Variants in MACROD2 observed in about 807,000 individuals in gnomAD.
MACROD2 encodes the protein ADP-ribose glycohydrolase MACROD2.
A neutral mutation model predicts 70.4 loss-of-function variants in MACROD2; 36 were observed. The observed-to-expected ratio is 0.51, with a 90% CI of 0.39 to 0.68. The LOEUF (loss-of-function observed/expected upper bound fraction) is 0.68. Among genes scored for constraint, MACROD2 ranks in the 30% least tolerant of loss-of-function variants. The probability of loss-of-function intolerance (pLI) is 0.00; values close to 1 mark genes in which losing one functional copy is unlikely to be tolerated. For synonymous variants in MACROD2, 172 were observed against 178.8 expected (o/e 0.96, Z 0.30); for missense variants, 496 against 538.4 (o/e 0.92, Z 0.78).
intron 4 of MACROD2, among the ~76,000 whole-genome samples, chr20:14,641,610 G>T (rs576866772): frequency 6.6e-6 from 1 of 152,174 alleles, no homozygotes; most frequent in Admixed American, 6.5e-5. Flanking sequence ...TGGATGTTAT[G>T]TTAGCATGCA....
intron 8 of MACROD2, among the ~76,000 whole-genome samples, chr20:15,765,075 A>C (rs1418598905): frequency 6.6e-6 from 1 of 152,102 alleles, no homozygotes; most frequent in Non-Finnish European, 1.5e-5. Context: ...ATTTCTTCTC[A>C]AATGGCACTT....
intron 3 of MACROD2, among the ~76,000 whole-genome samples, chr20:14,131,976 A>C (rs1011411706): frequency 1.9e-4 from 29 of 151,696 alleles, no homozygotes; most frequent in Admixed American, 7.9e-4. Context: ...CTAAAAATAC[A>C]AAAAATTAGC....
intron 8 of MACROD2, among the ~76,000 whole-genome samples, chr20:15,520,411 C>T (rs540657024): frequency 1.3e-5 from 2 of 152,206 alleles, no homozygotes; most frequent in South Asian, 4.1e-4. Context: ...GCCAATGAAC[C>T]AAAGTGAATG....
chr20:14,543,126 T>G (rs2085453124), intron 4 of MACROD2, among the ~76,000 whole-genome samples: 1 of 152,172 alleles, frequency 6.6e-6, no homozygotes, highest in African/African-American at 2.4e-5. Context: ...TCTCAAGGCA[T>G]ACATTCCAAG....
intron 5 of MACROD2, among the ~76,000 whole-genome samples, chr20:15,062,557 A>G (rs412108): frequency 0.79 from 119,677 of 151,982 alleles, 47,478 homozygotes; most frequent in East Asian, 0.94. Flanking sequence ...TGGAGTAGAA[A>G]GTGAAGGTTT....
chr20:15,691,978 A>G (rs2050304735), intron 8 of MACROD2, among the ~76,000 whole-genome samples: 1 of 152,208 alleles, frequency 6.6e-6, no homozygotes, highest in Admixed American at 6.5e-5. Context: ...CTCGGTTCTT[A>G]GATACTTTTC....
At chr20:14,078,091 G>T (rs551708904) in intron 2 of MACROD2, among the ~76,000 whole-genome samples, 2 of 151,672 alleles carry the variant, frequency 1.3e-5, no homozygotes, top group African/African-American at 4.8e-5. Flanking sequence ...TAGTATAGAC[G>T]GGGTTTCTCC....
In MACROD2 at chr20:15,750,291, C is replaced by T. The variant is rs2051248750; in HGVS notation, c.646-112454C>T. Reference sequence around the variant, plus strand: ...ATCAGGAAAACACAAATCTAAACCACCATCAGATACCACCTCACTCCAGTG... The same window carrying T: ...ATCAGGAAAACACAAATCTAAACCATCATCAGATACCACCTCACTCCAGTG... On this transcript the variant is annotated intron_variant, in intron 8 of 17. Transcript: ENST00000684519. Among the ~76,000 whole-genome samples, 4 of 152,010 alleles carry T rather than the reference C, an allele frequency of 2.6e-5. No individual in the cohort carries two copies. In the South Asian group the frequency reaches 8.3e-4, roughly 32 times the overall value.
chr20:14,976,099 C>G (rs2074737134), intron 5 of MACROD2, among the ~76,000 whole-genome samples: 1 of 152,154 alleles, frequency 6.6e-6, no homozygotes, highest in Admixed American at 6.5e-5. Context: ...TGCCCCAGTG[C>G]TTCTCTGATC....
chr20:14,805,609 C>T (rs1281006286), intron 5 of MACROD2, among the ~76,000 whole-genome samples: 1 of 152,048 alleles, frequency 6.6e-6, no homozygotes, highest in Non-Finnish European at 1.5e-5. Flanking sequence ...AAAGACACAG[C>T]TGGGGAGTAA....
At chr20:14,799,255 A>G (rs1312842397) in intron 5 of MACROD2, among the ~76,000 whole-genome samples, 2 of 152,162 alleles carry the variant, frequency 1.3e-5, no homozygotes, top group East Asian at 3.9e-4. Flanking sequence ...TGTATCCCAA[A>G]TCAACTTGAT....
intron 2 of MACROD2, among the ~76,000 whole-genome samples, chr20:14,074,450 T>TA (rs2053891146): frequency 6.6e-6 from 1 of 152,198 alleles, no homozygotes; most frequent in Non-Finnish European, 1.5e-5. Flanking sequence ...GTCTGACTCC[T>TA]AAACCATTGC....
intron 6 of MACROD2, among the ~76,000 whole-genome samples, chr20:15,369,781 T>A (rs1194638197): frequency 6.6e-6 from 1 of 152,182 alleles, no homozygotes; most frequent in Non-Finnish European, 1.5e-5. Flanking sequence ...GATAATTAGA[T>A]CCCAGTAGAC....
At position 15,613,092 on chromosome 20, in the gene MACROD2, A is replaced by C. The variant is rs770529681; in HGVS notation, c.645+113245A>C. Among the ~76,000 whole-genome samples the C allele has an allele frequency of 2.1e-4, 32 of 152,250 alleles. 1 individual carries two copies. Among genetic ancestry groups the C allele is most frequent in the Non-Finnish European group, 7.3e-5 (5 of 68,042 alleles). ...CTATCAGGTTAAAATGAATATGTTA[A>C]GAGAATTAAGCTGCACCTCCTTTAT... On this transcript the variant is annotated intron_variant, in intron 8 of 17. Transcript: ENST00000684519.
intron 8 of MACROD2, among the ~76,000 whole-genome samples, chr20:15,737,915 T>TGG (rs2051048223): frequency 6.6e-6 from 1 of 151,912 alleles, no homozygotes; most frequent in Non-Finnish European, 1.5e-5. Context: ...GATGGATGGG[T>TGG]GGATGAATGG....
chr20:14,269,694 A>G (rs188272951), intron 3 of MACROD2, among the ~76,000 whole-genome samples: 1 of 152,312 alleles, frequency 6.6e-6, no homozygotes, highest in African/African-American at 2.4e-5. Context: ...AGAATAATGC[A>G]TGGTTTACTG....
At chr20:14,489,757 C>CAGAT (rs1485268618) in intron 3 of MACROD2, among the ~76,000 whole-genome samples, 1 of 151,444 alleles carries the variant, frequency 6.6e-6, no homozygotes, top group African/African-American at 2.4e-5. Context: ...GTGTGTTTGA[C>CAGAT]AGATAGTCTT....
chr20:15,989,932 C>A (rs2066535823), intron 15 of MACROD2, among the ~76,000 whole-genome samples: 1 of 151,866 alleles, frequency 6.6e-6, no homozygotes, highest in Non-Finnish European at 1.5e-5. Flanking sequence ...CAGGATACAT[C>A]TTCTATGGCT....
chr20:14,416,374 A>G (rs1439580909), intron 3 of MACROD2, among the ~76,000 whole-genome samples: 1 of 152,210 alleles, frequency 6.6e-6, no homozygotes, highest in African/African-American at 2.4e-5. Flanking sequence ...TGACTTACTC[A>G]AAACAATTTT....
Sources: allele counts gnomAD v4.1 joint callset (sites outside exome capture counted in the v4.1 genomes callset), GRCh38; gene constraint gnomAD v4.1.1; transcripts MANE v1.5; gene names NCBI Gene and HGNC (gene_info 2026-07-23, HGNC 2026-07-21).